The following NRXN1 variants were observed in gnomAD, a reference collection of about 807,000 sequenced individuals.
NRXN1 encodes neurexin 1.
NRXN1 carries 39 observed loss-of-function variants against 150.9 expected under a neutral mutation model. That is an observed-to-expected ratio of 0.26 (90% CI 0.20 to 0.34). The LOEUF (loss-of-function observed/expected upper bound fraction) is 0.34. NRXN1 is among the 10% of genes least tolerant of loss of function. NRXN1 has a pLI of 1.00. For synonymous variants in NRXN1, 924 were observed against 757.0 expected (o/e 1.22, Z -3.62); for missense variants, 1,815 against 1,949.9 (o/e 0.93, Z 1.30).
At chr2:50,931,939 G>A (rs1056926305) in intron 2 of NRXN1, among the ~76,000 whole-genome samples, 6 of 151,808 alleles carry the variant, frequency 4.0e-5, no homozygotes, top group Non-Finnish European at 7.4e-5. Context: ...TTGGCTCACT[G>A]CAGCCTCTGT....
At chr2:50,415,927 C>T (rs2083500944) in intron 17 of NRXN1, among the ~76,000 whole-genome samples, 1 of 137,604 alleles carries the variant, frequency 7.3e-6, no homozygotes, top group Admixed American at 7.5e-5. Flanking sequence ...TTTTTATGGC[C>T]AACTGTTAGT....
At chr2:50,572,706 T>C (rs1377231959) in intron 8 of NRXN1, among the ~76,000 whole-genome samples, 2 of 152,168 alleles carry the variant, frequency 1.3e-5, no homozygotes, top group Non-Finnish European at 2.9e-5. Context: ...TTCTAACAAG[T>C]GATAAACCCT....
At chr2:50,460,353 G>A (rs2088042709) in intron 17 of NRXN1, among the ~76,000 whole-genome samples, 1 of 152,058 alleles carries the variant, frequency 6.6e-6, no homozygotes, top group Admixed American at 6.6e-5. Context: ...GGCCAAGGTG[G>A]CAGAATTCAC....
At chr2:50,095,467 A>C (rs893812502) in intron 18 of NRXN1, among the ~76,000 whole-genome samples, 8 of 152,146 alleles carry the variant, frequency 5.3e-5, no homozygotes, top group African/African-American at 1.7e-4. Context: ...TTTCCTACTT[A>C]TTATGAAACT....
At position 50,196,654 on chromosome 2, in the gene NRXN1, C is replaced by T. The variant is rs115397741; in HGVS notation, c.3546+40135G>A. Among the ~76,000 whole-genome samples the T allele has an allele frequency of 8.4e-3, 1,276 of 152,172 alleles. 25 individuals are homozygous for T. The highest frequency in any genetic ancestry group is 0.029 in the African/African-American group (1,209 of 41,530). ...CCCATAGATAACATATATCTATATT[C>T]CTTCAACTAAAAAGATTTGTTTAAT... On this transcript the variant is annotated intron_variant, in intron 18 of 22. Transcript: ENST00000401669.
At chr2:50,175,240 C>A (rs1316072878) in intron 18 of NRXN1, 5 of 152,148 alleles carry the variant, frequency 3.3e-5, no homozygotes, top group Admixed American at 2.6e-4. Flanking sequence ...CACGGTCACA[C>A]AAATCAAGTG....
intron 9 of NRXN1, among the ~76,000 whole-genome samples, chr2:50,543,227 C>G (rs2105290733): frequency 6.6e-6 from 1 of 152,124 alleles, no homozygotes; most frequent in African/African-American, 2.4e-5. Context: ...ACATTCTACC[C>G]CTTCTACTGA....
intron 19 of NRXN1, among the ~76,000 whole-genome samples, chr2:50,069,998 C>T (rs904457437): frequency 2.6e-4 from 40 of 151,798 alleles, no homozygotes; most frequent in Admixed American, 7.2e-4. Context: ...CTACAGGCAC[C>T]CGCCACCACA....
intron 18 of NRXN1, among the ~76,000 whole-genome samples, chr2:50,134,028 T>C (rs1705983524): frequency 6.6e-6 from 1 of 152,056 alleles, no homozygotes; most frequent in African/African-American, 2.4e-5. Flanking sequence ...TAACTAAACA[T>C]GCCATCTGAT....
At chr2:49,947,122 T>G (rs1054894089) in intron 21 of NRXN1, among the ~76,000 whole-genome samples, 1 of 150,182 alleles carries the variant, frequency 6.7e-6, no homozygotes, top group Non-Finnish European at 1.5e-5. Context: ...CAGCTTTTTG[T>G]TTTTTTCCCC....
Position 50,635,467 on chromosome 2 carries a change from C to T in NRXN1, c.833-11852G>A, listed in dbSNP as rs374100656. Among the ~76,000 whole-genome samples, 3 of 151,994 alleles carry T rather than the reference C, an allele frequency of 2.0e-5. No homozygotes were observed. The South Asian group carries it at 6.2e-4, about 32-fold the overall frequency. On this transcript the variant is annotated intron_variant, in intron 5 of 22. Transcript: ENST00000401669. ...GGATTACAGGCGTGAGCCACTGCGC[C>T]GAGCCAGATTAAATTCTTCTTGTCC...
intron 22 of NRXN1, among the ~76,000 whole-genome samples, chr2:49,931,446 T>C (rs1670104268): frequency 6.6e-6 from 1 of 152,082 alleles, no homozygotes; most frequent in African/African-American, 2.4e-5. Flanking sequence ...GTTTGATTCA[T>C]TTGGATGCCT....
intron 18 of NRXN1, among the ~76,000 whole-genome samples, chr2:50,175,618 A>G (rs536536511): frequency 6.6e-6 from 1 of 152,198 alleles, no homozygotes; most frequent in African/African-American, 2.4e-5. Flanking sequence ...ATATATATAT[A>G]TATATAGCAT....
chr2:50,385,514 G>A (rs1447963135), intron 17 of NRXN1, among the ~76,000 whole-genome samples: 30 of 152,176 alleles, frequency 2.0e-4, no homozygotes, highest in Non-Finnish European at 1.2e-4. Context: ...GAATGTTGGT[G>A]GCATGTGGCT....
At chr2:50,760,567 C>G (rs1701690677) in intron 5 of NRXN1, among the ~76,000 whole-genome samples, 2 of 151,862 alleles carry the variant, frequency 1.3e-5, no homozygotes, top group African/African-American at 4.8e-5. Context: ...TCTACTGCCA[C>G]TCCTTTCTTG....
At chr2:50,914,484 T>C (rs1684947727) in intron 5 of NRXN1, among the ~76,000 whole-genome samples, 1 of 151,686 alleles carries the variant, frequency 6.6e-6, no homozygotes. Flanking sequence ...AAAGATTAAT[T>C]ACTGTCCCTT....
At chr2:49,994,152 C>T (rs374399997) in intron 21 of NRXN1, among the ~76,000 whole-genome samples, 2 of 152,176 alleles carry the variant, frequency 1.3e-5, no homozygotes, top group African/African-American at 4.8e-5. Flanking sequence ...GGGTGCTCCT[C>T]CTTAATGCCT....
chr2:50,158,918 G>C (rs776394971), intron 18 of NRXN1, among the ~76,000 whole-genome samples: 1 of 151,910 alleles, frequency 6.6e-6, no homozygotes, highest in Non-Finnish European at 1.5e-5. Context: ...GTCAGGATAC[G>C]ACAAAAAACG....
chr2:51,024,610 A>G (rs1446074635), intron 2 of NRXN1, among the ~76,000 whole-genome samples: 1 of 152,158 alleles, frequency 6.6e-6, no homozygotes, highest in African/African-American at 2.4e-5. Flanking sequence ...ATTCAATAAA[A>G]ATATTCTGGA....
Sources: gnomAD v4.1 joint callset for allele counts (sites outside exome capture counted in the v4.1 genomes callset) on GRCh38, gnomAD v4.1.1 for gene constraint, MANE v1.5 for transcripts, NCBI Gene and HGNC (gene_info 2026-07-23, HGNC 2026-07-21) for gene names.